WNT7B: variants seen among roughly 807,000 people sequenced by gnomAD.
WNT7B encodes the protein protein Wnt-7b.
Under a neutral mutation model 38.2 loss-of-function variants are expected in WNT7B, and 19 were observed. The observed-to-expected ratio is 0.50, with a 90% CI of 0.35 to 0.73. The LOEUF is 0.73. WNT7B is among the 30% of genes least tolerant of loss of function. The probability of loss-of-function intolerance (pLI) is 0.01; values close to 1 mark genes in which losing one functional copy is unlikely to be tolerated. For synonymous variants in WNT7B, 243 were observed against 209.3 expected (o/e 1.16, Z -1.39); for missense variants, 423 against 507.9 (o/e 0.83, Z 1.61).
intron 3 of WNT7B, chr22:45,925,149 G>A (rs1481539813): frequency 7.0e-5 from 68 of 974,478 alleles, no homozygotes; most frequent in Non-Finnish European, 8.3e-5. Flanking sequence ...GTGGGTGCTG[G>A]GTGGGCCCAA....
Position 45,971,248 on chromosome 22 carries a change from G to A in WNT7B, c.71+5436C>T, listed in dbSNP as rs1932431436. On this transcript the variant is annotated intron_variant, in intron 1 of 3. Transcript: ENST00000339464. ...TGGCCCGCGTGTAAAGGAGGGGGAG[G>A]GGGAAGGGAAGAGAAGGGGAGGGAG... Among the ~76,000 whole-genome samples, 3 of 151,922 alleles carry A rather than the reference G, an allele frequency of 2.0e-5. No individual in the cohort carries two copies. In the South Asian group the frequency reaches 6.2e-4, roughly 32 times the overall value.
Position 45,977,117 on chromosome 22 carries a change from C to A in WNT7B, c.-363G>T, listed in dbSNP as rs1368849925. On this transcript the variant is annotated 5_prime_UTR_variant, in exon 1 of 4. Coordinates refer to ENST00000339464, the MANE Select transcript of WNT7B (RefSeq NM_058238.3). ...AGGCCGTGAGCGCCTCGCCGAGCGCCGCGGCGGCCAATGTGTCCGCACTTG... is the reference window on the plus strand; with the variant it reads ...AGGCCGTGAGCGCCTCGCCGAGCGCAGCGGCGGCCAATGTGTCCGCACTTG... The A allele has an allele frequency of 2.7e-6, 2 of 737,484 alleles. No individual in the cohort carries two copies. The highest frequency in any genetic ancestry group is 3.3e-6 in the Non-Finnish European group (2 of 603,548). 45.7% of individuals were successfully genotyped at this position (737,484 alleles called of 1,614,324 possible). A position where few individuals can be genotyped will look rare whatever the true frequency, so the allele number is the denominator to read the frequency against.
At chr22:45,959,565 C>T (rs1932148800) in intron 1 of WNT7B, among the ~76,000 whole-genome samples, 1 of 152,162 alleles carries the variant, frequency 6.6e-6, no homozygotes. Context: ...AGCCAGGCAC[C>T]TCCACCTCAG....
chr22:45,930,976 C>A (rs1931329739), intron 3 of WNT7B, 122 bp downstream of exon 3: 2 of 1,362,690 alleles, frequency 1.5e-6, no homozygotes, highest in Non-Finnish European at 1.9e-6. Flanking sequence ...GACGGCCCCA[C>A]CCCCTGCACA....
At chr22:45,929,662 ACCCG>A (rs754294190) in intron 3 of WNT7B, among the ~76,000 whole-genome samples, 2,157 of 112,496 alleles carry the variant, frequency 0.019, 48 homozygotes, top group African/African-American at 0.058. Flanking sequence ...CCTTCCACCC[ACCCG>A]CCCATCCTTC....
At chr22:45,956,873 T>C (rs536932331) in intron 1 of WNT7B, among the ~76,000 whole-genome samples, 347 of 151,730 alleles carry the variant, frequency 2.3e-3, no homozygotes, top group Non-Finnish European at 4.2e-3. Flanking sequence ...TTTGGGAGGC[T>C]GAGATGGGTG....
In WNT7B at chr22:45,965,135, C is replaced by G. The variant is rs548220864; in HGVS notation, c.71+11549G>C. ...AACCTGCTGCTCCCCACTCCTGATG[C>G]TGCCACATCCTCTTCACACCTCCAG... On this transcript the variant is annotated intron_variant, in intron 1 of 3. Coordinates refer to ENST00000339464, the MANE Select transcript of WNT7B (RefSeq NM_058238.3). This position sits in a 1 kb window ranked among gnomAD's most constrained non-coding sequence, Gnocchi z 6.5. Among the ~76,000 whole-genome samples, 1 of 152,238 alleles carries G rather than the reference C, an allele frequency of 6.6e-6. No homozygotes were observed. Among genetic ancestry groups the G allele is most frequent in the South Asian group, 2.1e-4 (1 of 4,820 alleles).
chr22:45,954,331 G>A (rs967801116), intron 1 of WNT7B, among the ~76,000 whole-genome samples: 5 of 152,202 alleles, frequency 3.3e-5, no homozygotes, highest in Non-Finnish European at 7.3e-5. Context: ...TCTGGAACTG[G>A]GGGTAGTGAT....
rs915667020 is a variant in WNT7B, at chr22:45,922,041, G to A, written c.*815C>T. The A allele has an allele frequency of 6.6e-6, 1 of 152,246 alleles. No homozygotes were observed. Among genetic ancestry groups the A allele is most frequent in the Non-Finnish European group, 1.5e-5 (1 of 68,058 alleles). The allele number at this position is 152,246 out of a possible 1,614,324, so 9.4% of individuals were successfully genotyped here. On this transcript the variant is annotated 3_prime_UTR_variant, in exon 4 of 4. Coordinates refer to ENST00000339464, the MANE Select transcript of WNT7B (RefSeq NM_058238.3). ...CTCCCAAAGTGCTGGGATTACAGGT[G>A]TGAGCCACCGCGCCCAGCCATTGAT... is the stretch of plus-strand genomic sequence containing the variant.
intron 1 of WNT7B, among the ~76,000 whole-genome samples, chr22:45,964,968 C>T (rs1932279841): frequency 6.6e-6 from 1 of 152,158 alleles, no homozygotes; most frequent in African/African-American, 2.4e-5. Flanking sequence ...CTCCATGCCT[C>T]CCCATCCTCC....
rs980108692 is a variant in WNT7B at position 45,966,139 on chromosome 22, C to T, written c.71+10545G>A. Among the ~76,000 whole-genome samples the T allele has an allele frequency of 6.6e-6, 1 of 152,200 alleles. No individual in the cohort carries two copies. Among genetic ancestry groups the T allele is most frequent in the African/African-American group, 2.4e-5 (1 of 41,452 alleles). On this transcript the variant is annotated intron_variant, in intron 1 of 3. Coordinates refer to ENST00000339464, the MANE Select transcript of WNT7B (RefSeq NM_058238.3). The surrounding 1 kb of genome is among the most constrained non-coding windows in gnomAD (Gnocchi z 4.2). ...AAGCAGACCCTGGGCACTGTGCACA[C>T]GTCAGTCCCACTAGGGAGGGCCTTC... is the stretch of plus-strand genomic sequence containing the variant.
At chr22:45,941,632 G>A (rs934759972) in intron 2 of WNT7B, among the ~76,000 whole-genome samples, 25 of 152,104 alleles carry the variant, frequency 1.6e-4, no homozygotes, top group African/African-American at 5.3e-4. Flanking sequence ...GAGTTGCCTC[G>A]GCCACGGGTG....
At chr22:45,924,353 C>T (rs555697326) in intron 3 of WNT7B, among the ~76,000 whole-genome samples, 41 of 152,328 alleles carry the variant, frequency 2.7e-4, no homozygotes, top group Middle Eastern at 3.4e-3. Context: ...GGGAGAGAAC[C>T]CCACAGAGAT....
chr22:45,968,493 C>G (rs982178926), intron 1 of WNT7B, among the ~76,000 whole-genome samples: 1 of 152,226 alleles, frequency 6.6e-6, no homozygotes, highest in African/African-American at 2.4e-5. Context: ...GATGAGGACC[C>G]AGATCTGAGT....
rs999944502 is a variant in WNT7B, at chr22:45,925,677, G to T, written c.571-2342C>A. On this transcript the variant is annotated intron_variant, in intron 3 of 3. Transcript: ENST00000339464. ...TTCCCTCCACTAACCTGCCCTTCAG[G>T]CCTGGAAGTGTCCCTGGCCCTGGCC... is the stretch of plus-strand genomic sequence containing the variant. 3 of 985,236 alleles carry T rather than the reference G, an allele frequency of 3.0e-6. No homozygotes were observed. In the East Asian group the frequency reaches 3.4e-4, roughly 112 times the overall value. The allele number at this position is 985,236 out of a possible 1,614,324, so 61.0% of individuals were successfully genotyped here.
Position 45,952,295 on chromosome 22 carries a change from C to A in WNT7B, c.72-2149G>T, listed in dbSNP as rs147309286. ...CACAGCCAGCTGGAAAGTCCCCGTGCGGCCTGAGCCCACAGCACGTGCTGC... is the reference window on the plus strand; with the variant it reads ...CACAGCCAGCTGGAAAGTCCCCGTGAGGCCTGAGCCCACAGCACGTGCTGC... On this transcript the variant is annotated intron_variant, in intron 1 of 3. Transcript: ENST00000339464. Among the ~76,000 whole-genome samples the A allele has an allele frequency of 1.3e-5, 2 of 152,340 alleles. 1 individual carries two copies. The highest frequency in any genetic ancestry group is 4.1e-4 in the South Asian group (2 of 4,832).
intron 2 of WNT7B, among the ~76,000 whole-genome samples, chr22:45,932,510 C>A (rs745665407): frequency 6.6e-6 from 1 of 152,154 alleles, no homozygotes; most frequent in Non-Finnish European, 1.5e-5. Flanking sequence ...GCCCTACCAG[C>A]GGGGACTTCC....
intron 1 of WNT7B, chr22:45,972,281 C>A: frequency 1.7e-6 from 1 of 589,162 alleles, no homozygotes; most frequent in Non-Finnish European, 3.1e-6. Context: ...CTCCGCGGGC[C>A]GGGCGCCTGG....
chr22:45,960,190 CCCAGA>C (rs1932164072), intron 1 of WNT7B, among the ~76,000 whole-genome samples: 1 of 152,138 alleles, frequency 6.6e-6, no homozygotes, highest in Non-Finnish European at 1.5e-5. Flanking sequence ...GCCAGGTGGC[CCCAGA>C]CCTGCCCCCT....
Sources: gnomAD v4.1 joint callset for allele counts (sites outside exome capture counted in the v4.1 genomes callset) on GRCh38, gnomAD v4.1.1 for gene constraint, Gnocchi (gnomAD v3.1) non-coding constraint, MANE v1.5 for transcripts, NCBI Gene and HGNC (gene_info 2026-07-23, HGNC 2026-07-21) for gene names.